Variants in CSMD1 observed in about 807,000 individuals in gnomAD.
CSMD1 encodes the protein CUB and Sushi multiple domains 1, also known as CUB and sushi domain-containing protein 1.
CSMD1 carries 213 observed loss-of-function variants against 417.5 expected under a neutral mutation model. That is an observed-to-expected ratio of 0.51 (90% CI 0.46 to 0.57). The LOEUF is 0.57. Ranked by LOEUF, CSMD1 falls within the 20% of genes least tolerant of loss-of-function variation. The pLI is 0.00. For missense variants in CSMD1, 6,923 were observed against 4,529.7 expected, an observed-to-expected ratio of 1.53 and a Z score of -15.17; for synonymous variants, 2,862 against 1,736.8, an observed-to-expected ratio of 1.65 and a Z score of -16.11.
intron 3 of CSMD1, among the ~76,000 whole-genome samples, chr8:4,110,736 C>G (rs189490051): frequency 1.3e-5 from 2 of 152,146 alleles, no homozygotes; most frequent in Admixed American, 1.3e-4. Flanking sequence ...ATGCTCTCAA[C>G]CATCCAGAGG....
rs1283334079 is a variant in CSMD1, at chr8:3,361,405, G to A, written c.3116-2065C>T. Among the ~76,000 whole-genome samples, 12 of 152,084 alleles carry A rather than the reference G, an allele frequency of 7.9e-5. No individual in the cohort carries two copies. The East Asian group carries it at 2.3e-3, about 29-fold the overall frequency. On this transcript the variant is annotated intron_variant, in intron 20 of 69. Transcript: ENST00000635120. ...GCACTTTGGGAGGCAGAGGCGGGTGGATCATGAGGTCAGGAGTTTGAGACC... is the reference window on the plus strand; with the variant it reads ...GCACTTTGGGAGGCAGAGGCGGGTGAATCATGAGGTCAGGAGTTTGAGACC...
intron 3 of CSMD1, among the ~76,000 whole-genome samples, chr8:4,070,951 G>A (rs1414261582): frequency 1.3e-5 from 2 of 152,132 alleles, no homozygotes; most frequent in Non-Finnish European, 2.9e-5. Context: ...GGTGTTTGAT[G>A]TAAAATCAGC....
At chr8:4,369,745 A>G (rs1204794299) in intron 3 of CSMD1, among the ~76,000 whole-genome samples, 2 of 152,088 alleles carry the variant, frequency 1.3e-5, no homozygotes, top group Non-Finnish European at 2.9e-5. Flanking sequence ...TCTCTAATAT[A>G]GAATTAGCTA....
Position 3,606,609 on chromosome 8 carries a change from C to A in CSMD1, c.1097+10101G>T, listed in dbSNP as rs114815752. ...GGACATGACTGTACACTCCTGTAGA[C>A]CTTAGAAACACTGTATCCTTGGGCC... is the stretch of plus-strand genomic sequence containing the variant. On this transcript the variant is annotated intron_variant, in intron 8 of 69. Coordinates refer to ENST00000635120, the MANE Select transcript of CSMD1 (RefSeq NM_033225.6). Among the ~76,000 whole-genome samples, 1,488 of 152,090 alleles carry A rather than the reference C, an allele frequency of 9.8e-3. 29 individuals carry two copies. The highest frequency in any genetic ancestry group is 0.035 in the African/African-American group (1,435 of 41,482).
At chr8:4,274,638 C>A (rs534459413) in intron 3 of CSMD1, among the ~76,000 whole-genome samples, 4 of 152,114 alleles carry the variant, frequency 2.6e-5, no homozygotes, top group Admixed American at 6.6e-5. Flanking sequence ...GAACAAAAAT[C>A]TATAGGTCTC....
chr8:4,062,728 C>T (rs1199447625), intron 3 of CSMD1, among the ~76,000 whole-genome samples: 2 of 146,454 alleles, frequency 1.4e-5, no homozygotes, highest in East Asian at 4.1e-4. Flanking sequence ...TCAGCATTAT[C>T]AAATTCAAAA....
intron 7 of CSMD1, among the ~76,000 whole-genome samples, chr8:3,658,990 T>C (rs1034498403): frequency 6.6e-6 from 1 of 152,216 alleles, no homozygotes; most frequent in Non-Finnish European, 1.5e-5. Flanking sequence ...TTGTAGTGTG[T>C]TCTTCTAAAA....
At chr8:3,305,329 A>G (rs2117369671) in intron 25 of CSMD1, among the ~76,000 whole-genome samples, 1 of 152,340 alleles carries the variant, frequency 6.6e-6, no homozygotes. Context: ...TTTTAAAATG[A>G]GTTATTATAA....
chr8:3,724,900 C>G (rs1218721490), intron 6 of CSMD1, among the ~76,000 whole-genome samples: 1 of 152,150 alleles, frequency 6.6e-6, no homozygotes, highest in Admixed American at 6.5e-5. Context: ...TTAGATCTGC[C>G]ATGGTAAAGA....
chr8:3,504,724 T>G (rs186157675), intron 10 of CSMD1, among the ~76,000 whole-genome samples: 1 of 152,320 alleles, frequency 6.6e-6, no homozygotes, highest in Non-Finnish European at 1.5e-5. Context: ...CTTCCTTCTC[T>G]ATTGCAGTAG....
chr8:3,258,344 G>A (rs1375916323), intron 26 of CSMD1, among the ~76,000 whole-genome samples: 1 of 152,106 alleles, frequency 6.6e-6, no homozygotes, highest in African/African-American at 2.4e-5. Flanking sequence ...GTGGAAAAAA[G>A]CTCACCATCA....
intron 3 of CSMD1, among the ~76,000 whole-genome samples, chr8:4,175,588 G>C (rs1489385537): frequency 6.6e-6 from 1 of 152,098 alleles, no homozygotes; most frequent in Non-Finnish European, 1.5e-5. Flanking sequence ...TATTAGGAGA[G>C]TAAATATACA....
chr8:3,946,273 G>A (rs1252983142), intron 5 of CSMD1, among the ~76,000 whole-genome samples: 4 of 152,106 alleles, frequency 2.6e-5, no homozygotes, highest in Non-Finnish European at 2.9e-5. Context: ...AGAGAACACA[G>A]TAAACTAGTC....
At position 3,108,739 on chromosome 8, in the gene CSMD1, G is replaced by C; in HGVS notation, c.6618C>G (p.Pro2206=). The change falls in exon 44 of 70, where the codon CCC becomes CCG. Residue 2206 remains proline (P), a synonymous_variant. Coordinates refer to ENST00000635120, the MANE Select transcript of CSMD1 (RefSeq NM_033225.6). ...VNDYIAVWDG[P]DQNSPQLGVF... is the part of the protein sequence containing the mutation. ...CTCCCAGCTGGGGTGAGTTCTGATC[G>C]GGACCGTCCCTAGGAAAGACAGAAA... The C allele has an allele frequency of 6.2e-7, 1 of 1,612,044 alleles. No homozygotes were observed. The highest frequency in any genetic ancestry group is 8.5e-7 in the Non-Finnish European group (1 of 1,178,766).
intron 2 of CSMD1, among the ~76,000 whole-genome samples, chr8:4,478,849 C>G (rs1362423784): frequency 1.3e-5 from 2 of 152,250 alleles, no homozygotes; most frequent in Non-Finnish European, 2.9e-5. Context: ...GACATCCATA[C>G]TTAGATTTTT....
intron 2 of CSMD1, among the ~76,000 whole-genome samples, chr8:4,578,962 AC>A (rs1799278071): frequency 6.6e-6 from 1 of 152,062 alleles, no homozygotes; most frequent in African/African-American, 2.4e-5. Context: ...AAAATGATTA[AC>A]CTTTTTAAAC....
chr8:4,878,150 A>C (rs563289210), intron 1 of CSMD1, among the ~76,000 whole-genome samples: 4 of 152,088 alleles, frequency 2.6e-5, no homozygotes, highest in Non-Finnish European at 5.9e-5. Context: ...AGTCTAAGAA[A>C]ATTATTTTAG....
chr8:3,373,822 A>T (rs1810130810), intron 18 of CSMD1: 1 of 152,176 alleles, frequency 6.6e-6, no homozygotes, highest in South Asian at 2.1e-4. Flanking sequence ...AGCCAACACC[A>T]AGGATGCAGG....
chr8:4,729,524 A>G (rs550557998), intron 1 of CSMD1, among the ~76,000 whole-genome samples: 1 of 152,356 alleles, frequency 6.6e-6, no homozygotes, highest in South Asian at 2.1e-4. Flanking sequence ...AAATACACAT[A>G]ATGCATTTTT....
Sources: allele counts gnomAD v4.1 joint callset (sites outside exome capture counted in the v4.1 genomes callset), GRCh38; gene constraint gnomAD v4.1.1; transcripts MANE v1.5; gene names NCBI Gene and HGNC (gene_info 2026-07-23, HGNC 2026-07-21).